The following TANC2 variants were observed in gnomAD, a reference collection of about 807,000 sequenced individuals.
The protein encoded by TANC2 is tetratricopeptide repeat, ankyrin repeat and coiled-coil containing 2.
A neutral mutation model predicts 210.5 loss-of-function variants in TANC2; 26 were observed. The observed-to-expected ratio is 0.12, with a 90% CI of 0.09 to 0.17. The LOEUF (loss-of-function observed/expected upper bound fraction) is 0.17. Among genes scored for constraint, TANC2 ranks in the 10% least tolerant of loss-of-function variants. The pLI is 1.00. For synonymous variants in TANC2, 931 were observed against 967.1 expected (o/e 0.96, Z 0.69); for missense variants, 2,129 against 2,608.9 (o/e 0.82, Z 4.01).
intron 12 of TANC2, among the ~76,000 whole-genome samples, chr17:63,350,735 T>G (rs552034784): frequency 2.6e-5 from 4 of 152,280 alleles, no homozygotes; most frequent in Non-Finnish European, 4.4e-5. Context: ...TCTCTGTTAC[T>G]CTGTCTCTTC....
intron 8 of TANC2, among the ~76,000 whole-genome samples, chr17:63,264,409 C>T (rs937611137): frequency 6.6e-6 from 1 of 152,122 alleles, no homozygotes. Flanking sequence ...TTTTGGGGAG[C>T]AGCAAATGCA....
rs780785138 is a variant in TANC2 at position 63,237,802 on chromosome 17, T to C, written c.770-12T>C. 5.3e-6 allele frequency: 8 copies of C among 1,508,918 alleles called. No homozygotes were observed. The highest frequency in any genetic ancestry group is 7.1e-6 in the Non-Finnish European group (8 of 1,125,504). 93.5% of individuals were successfully genotyped at this position (1,508,918 alleles called of 1,614,324 possible). ...TGGCTTTATTAAATTCATTTTACTC[T>C]TTTTTTTTCAGCTACATTAACAAGC... On this transcript the variant is annotated splice_polypyrimidine_tract_variant and intron_variant, in intron 7 of 27. Coordinates refer to ENST00000689528, the Ensembl canonical transcript of TANC2.
At chr17:63,274,019 G>A (rs772439436) in intron 9 of TANC2, among the ~76,000 whole-genome samples, 30 of 152,260 alleles carry the variant, frequency 2.0e-4, no homozygotes, top group African/African-American at 7.0e-4. Flanking sequence ...GCAAAAATGC[G>A]TAGTTTGAGA....
Position 63,421,981 on chromosome 17 carries a change from A to T in TANC2, c.*26A>T. 1 of 1,562,434 alleles carries T rather than the reference A, an allele frequency of 6.4e-7. No homozygotes were observed. Among genetic ancestry groups the T allele is most frequent in the Non-Finnish European group, 8.7e-7 (1 of 1,155,192 alleles). On this transcript the variant is annotated 3_prime_UTR_variant, in exon 28 of 28. Coordinates refer to ENST00000689528, the Ensembl canonical transcript of TANC2. The surrounding 1 kb of genome is among the most constrained non-coding windows in gnomAD (Gnocchi z 6.9). ...AAGACGTTTTGTTGGAGTGAGACCC[A>T]TATGTTTTCACTGCACATTTTCAGG... is the stretch of plus-strand genomic sequence containing the variant.
intron 5 of TANC2, among the ~76,000 whole-genome samples, chr17:63,191,307 A>G (rs896960696): frequency 6.9e-6 from 1 of 145,246 alleles, no homozygotes; most frequent in African/African-American, 2.5e-5. Context: ...TGCAAAAGTA[A>G]TTGTGGTTTT....
chr17:63,308,950 T>C lies in TANC2; in HGVS notation c.1160-5438T>C, dbSNP rs61282435. 5.9e-3 allele frequency among the ~76,000 whole-genome samples: 903 copies of C among 152,256 alleles called. 8 individuals are homozygous for C. Among genetic ancestry groups the C allele is most frequent in the African/African-American group, 0.02 (850 of 41,544 alleles). Reference sequence around the variant, plus strand: ...TACCTTCACTATTTTTGTTTTGGAGTATTGTTAGCTTCCATCTGCATATAC... The same window carrying C: ...TACCTTCACTATTTTTGTTTTGGAGCATTGTTAGCTTCCATCTGCATATAC... On this transcript the variant is annotated intron_variant, in intron 9 of 27. Transcript: ENST00000689528.
chr17:63,005,541 G>A (rs2033582893), intron 1 of TANC2, among the ~76,000 whole-genome samples: 1 of 151,426 alleles, frequency 6.6e-6, no homozygotes, highest in South Asian at 2.1e-4. Context: ...TTGGAGAGAA[G>A]TGACATTTTA....
chr17:63,307,150 G>A (rs2044941949), intron 9 of TANC2, among the ~76,000 whole-genome samples: 2 of 152,228 alleles, frequency 1.3e-5, no homozygotes, highest in Admixed American at 6.5e-5. Flanking sequence ...CACTATGGGA[G>A]GGAGTTTTGA....
At chr17:63,223,719 A>G (rs185009509) in intron 7 of TANC2, among the ~76,000 whole-genome samples, 1 of 152,186 alleles carries the variant, frequency 6.6e-6, no homozygotes, top group East Asian at 1.9e-4. Flanking sequence ...GTAAACTGTC[A>G]TGGCGGCAGT....
chr17:63,079,407 CT>C (rs990128966), intron 3 of TANC2, among the ~76,000 whole-genome samples: 1 of 152,086 alleles, frequency 6.6e-6, no homozygotes, highest in Non-Finnish European at 1.5e-5. Flanking sequence ...CTATTGTTTT[CT>C]TTTCTGAGTC....
At chr17:63,204,228 G>A (rs953955847) in intron 7 of TANC2, among the ~76,000 whole-genome samples, 1 of 151,188 alleles carries the variant, frequency 6.6e-6, no homozygotes, top group Admixed American at 6.6e-5. Flanking sequence ...TAAGGAAACA[G>A]TTTCATTACA....
At chr17:63,400,788 C>T (rs546057160) in intron 19 of TANC2, among the ~76,000 whole-genome samples, 5 of 151,418 alleles carry the variant, frequency 3.3e-5, no homozygotes, top group Admixed American at 2.0e-4. Flanking sequence ...GGATTACAGG[C>T]GTGCACCACC....
Position 63,171,149 on chromosome 17 carries a change from G to A in TANC2, c.433+19769G>A, listed in dbSNP as rs535569863. ...CGCCCAGGCTGGAGTGCAGTGGTGCGATCTCAGCTCACTGCACTCCACCTC... is the reference window on the plus strand; with the variant it reads ...CGCCCAGGCTGGAGTGCAGTGGTGCAATCTCAGCTCACTGCACTCCACCTC... On this transcript the variant is annotated intron_variant, in intron 5 of 27. Transcript: ENST00000689528. Among the ~76,000 whole-genome samples, 11 of 139,936 alleles carry A rather than the reference G, an allele frequency of 7.9e-5. No individual in the cohort carries two copies. The East Asian group carries it at 8.3e-4, about 11-fold the overall frequency. 91.8% of individuals were successfully genotyped at this position (139,936 alleles called of 152,430 possible). A position where few individuals can be genotyped will look rare whatever the true frequency, so the allele number is the denominator to read the frequency against.
At chr17:63,340,415 T>G in intron 12 of TANC2, 83 bp downstream of exon 12, 1 of 1,160,244 alleles carries the variant, frequency 8.6e-7, no homozygotes. Flanking sequence ...ATGATTGATT[T>G]TATCACATTG....
chr17:63,218,026 G>C (rs775013828), intron 7 of TANC2, among the ~76,000 whole-genome samples: 2 of 151,800 alleles, frequency 1.3e-5, no homozygotes, highest in African/African-American at 4.8e-5. Flanking sequence ...GGCTCACGCC[G>C]TAATACCAGC....
intron 1 of TANC2, among the ~76,000 whole-genome samples, chr17:62,972,657 T>G (rs538515880): frequency 1.4e-4 from 22 of 152,332 alleles, no homozygotes; most frequent in Non-Finnish European, 2.6e-4. Context: ...TTTCACTGGC[T>G]CCTCATCACT....
chr17:63,091,492 C>G (rs1012783281), intron 3 of TANC2, among the ~76,000 whole-genome samples: 4 of 152,146 alleles, frequency 2.6e-5, no homozygotes, highest in East Asian at 1.9e-4. Context: ...TCTTGTTTTT[C>G]TCAGGTTTGT....
intron 1 of TANC2, among the ~76,000 whole-genome samples, chr17:62,969,391 C>T (rs1273642627): frequency 6.6e-6 from 1 of 152,144 alleles, no homozygotes; most frequent in African/African-American, 2.4e-5. Context: ...GCTATATTGC[C>T]CTCTCACTCA....
At chr17:63,257,490 T>C (rs2043230161) in intron 8 of TANC2, among the ~76,000 whole-genome samples, 1 of 152,102 alleles carries the variant, frequency 6.6e-6, no homozygotes, top group African/African-American at 2.4e-5. Flanking sequence ...CTCTAGTAAC[T>C]GAGATAACAG....
Sources: allele counts gnomAD v4.1 joint callset (sites outside exome capture counted in the v4.1 genomes callset), GRCh38; gene constraint gnomAD v4.1.1; non-coding constraint Gnocchi (gnomAD v3.1); transcripts MANE v1.5; gene names NCBI Gene and HGNC (gene_info 2026-07-23, HGNC 2026-07-21).